The following MRPL48 variants were observed in gnomAD, a reference collection of about 807,000 sequenced individuals.
MRPL48 encodes the protein large ribosomal subunit protein mL48.
Under a neutral mutation model 32.9 loss-of-function variants are expected in MRPL48, and 16 were observed. The ratio of observed to expected loss-of-function variants is 0.49; its 90% CI spans 0.33 to 0.74. The LOEUF (loss-of-function observed/expected upper bound fraction) is 0.74. MRPL48 is among the 30% of genes least tolerant of loss of function. The probability of loss-of-function intolerance (pLI) is 0.02; values close to 1 mark genes in which losing one functional copy is unlikely to be tolerated. For missense variants in MRPL48, 206 were observed against 245.3 expected (o/e 0.84, Z 1.07); for synonymous variants, 94 against 89.2 (o/e 1.05, Z -0.31).
chr11:73,863,582 G>A (rs767518238), intron 7 of MRPL48, among the ~76,000 whole-genome samples: 5 of 152,178 alleles, frequency 3.3e-5, no homozygotes, highest in Non-Finnish European at 7.3e-5. Context: ...ATAGTATATG[G>A]TGTAATAAAT....
At chr11:73,818,980 T>A (rs1192895048) in intron 3 of MRPL48, among the ~76,000 whole-genome samples, 1 of 152,218 alleles carries the variant, frequency 6.6e-6, no homozygotes, top group Non-Finnish European at 1.5e-5. Context: ...AGTAAGGAGT[T>A]GCCTTTTCTC....
intron 3 of MRPL48, among the ~76,000 whole-genome samples, chr11:73,824,584 CA>C (rs962587652): frequency 5.3e-4 from 73 of 137,692 alleles, no homozygotes; most frequent in African/African-American, 1.1e-3. Context: ...GACTCTATCT[CA>C]AAAAAAAAAA....
chr11:73,826,842 T>C (rs1947904093), intron 4 of MRPL48, among the ~76,000 whole-genome samples: 1 of 149,818 alleles, frequency 6.7e-6, no homozygotes, highest in African/African-American at 2.5e-5. Flanking sequence ...AATGGTGCGA[T>C]CTCGGCTCAC....
At chr11:73,825,180 A>G (rs898331398) in intron 3 of MRPL48, among the ~76,000 whole-genome samples, 1 of 151,804 alleles carries the variant, frequency 6.6e-6, no homozygotes, top group Non-Finnish European at 1.5e-5. Flanking sequence ...TTAACTTTTT[A>G]TATACTAAGT....
intron 4 of MRPL48, among the ~76,000 whole-genome samples, chr11:73,836,561 A>G (rs946277509): frequency 6.6e-6 from 1 of 152,126 alleles, no homozygotes; most frequent in Non-Finnish European, 1.5e-5. Flanking sequence ...CTTTAAAGAC[A>G]TTATTTCATT....
rs1190361223 is a variant in MRPL48, at chr11:73,859,900, C to T, written c.372-7C>T. 3 of 1,612,978 alleles carry T rather than the reference C, an allele frequency of 1.9e-6. No individual in the cohort carries two copies. Among genetic ancestry groups the T allele is most frequent in the East Asian group, 4.5e-5 (2 of 44,850 alleles). The stretch of plus-strand genomic sequence containing the variant: ...CACTCACTATAGCTGACTCTTCCTT[C>T]CCACAGTTATGCAATGCCAACCAAA... On this transcript the variant is annotated splice_polypyrimidine_tract_variant and splice_region_variant and intron_variant, in intron 5 of 7. Transcript: ENST00000310614.
At chr11:73,854,601 A>G (rs766395403) in intron 5 of MRPL48, among the ~76,000 whole-genome samples, 4 of 152,162 alleles carry the variant, frequency 2.6e-5, no homozygotes, top group Non-Finnish European at 4.4e-5. Context: ...TGCAATGTTT[A>G]TAGGGTAGTT....
At chr11:73,848,186 T>C (rs36034275) in intron 5 of MRPL48, among the ~76,000 whole-genome samples, 8,572 of 152,182 alleles carry the variant, frequency 0.056, 265 homozygotes, top group Middle Eastern at 0.099. Flanking sequence ...TTTTTTTTTT[T>C]GGCATATGAA....
In MRPL48 at chr11:73,822,284, C is replaced by T. The variant is rs900332497; in HGVS notation, c.113-3424C>T. Among the ~76,000 whole-genome samples, 3 of 152,118 alleles carry T rather than the reference C, an allele frequency of 2.0e-5. No individual in the cohort carries two copies. In the East Asian group the frequency reaches 5.8e-4, roughly 29 times the overall value. ...CTCATCTGAACCTATTCCCCTGCAC[C>T]CTGCACCCCCACCCCAAAGGCAGAG... On this transcript the variant is annotated intron_variant, in intron 3 of 7. Coordinates refer to ENST00000310614, the MANE Select transcript of MRPL48 (RefSeq NM_016055.6).
intron 1 of MRPL48, among the ~76,000 whole-genome samples, chr11:73,791,778 C>T (rs1947159439): frequency 6.6e-6 from 1 of 152,034 alleles, no homozygotes; most frequent in Non-Finnish European, 1.5e-5. Context: ...AAAGTAGGTA[C>T]CTGGTAAATG....
intron 4 of MRPL48, among the ~76,000 whole-genome samples, chr11:73,829,031 A>G (rs1469797309): frequency 6.6e-6 from 1 of 152,160 alleles, no homozygotes; most frequent in Admixed American, 6.6e-5. Context: ...AATTTTCTGC[A>G]TATGTCATGC....
In MRPL48 at chr11:73,845,007, T is replaced by C. The variant is rs758954141; in HGVS notation, c.371+31T>C. ...AAGGATGCTTTTGTATGGGATGTTC[T>C]TGGTGTGGGTAGAATGCTCTGTTTT... On this transcript the variant is annotated intron_variant, in intron 5 of 7. Transcript: ENST00000310614. The C allele has an allele frequency of 1.7e-5, 27 of 1,588,128 alleles. No homozygotes were observed. In the Admixed American group the frequency reaches 4.5e-4, roughly 27 times the overall value.
intron 1 of MRPL48, among the ~76,000 whole-genome samples, chr11:73,803,517 C>T (rs1947394101): frequency 1.3e-5 from 2 of 151,844 alleles, no homozygotes. Flanking sequence ...CTTACTTTTT[C>T]TCTAGTGTCC....
At chr11:73,804,287 T>G (rs558565436) in intron 1 of MRPL48, among the ~76,000 whole-genome samples, 4 of 151,348 alleles carry the variant, frequency 2.6e-5, no homozygotes, top group Admixed American at 2.6e-4. Context: ...CAGTCCTCTT[T>G]TTTTTTTGAG....
intron 1 of MRPL48, among the ~76,000 whole-genome samples, chr11:73,791,539 C>T (rs1474077145): frequency 6.6e-6 from 1 of 152,060 alleles, no homozygotes; most frequent in Non-Finnish European, 1.5e-5. Context: ...GCCTTAGCCT[C>T]CTGAGTAGCT....
chr11:73,825,682 G>C (rs376035025), intron 3 of MRPL48, 26 bp from the exon 4 acceptor site: 4 of 1,536,036 alleles, frequency 2.6e-6, no homozygotes, highest in Non-Finnish European at 3.5e-6. Context: ...CAAAAAAACA[G>C]GTTTGTCTTA....
At chr11:73,844,728 T>G in intron 4 of MRPL48, 79 bp from the exon 5 acceptor site, 1 of 1,446,528 alleles carries the variant, frequency 6.9e-7, no homozygotes, top group Non-Finnish European at 9.2e-7. Context: ...AAAGATTGAC[T>G]TTTTAAAATA....
chr11:73,808,198 A>G, intron 2 of MRPL48, 115 bp from the exon 3 acceptor site: 1 of 1,027,562 alleles, frequency 9.7e-7, no homozygotes. Context: ...AAAGGAAAGA[A>G]GGAGTAAGGA....
chr11:73,790,260 G>A (rs1397970577), intron 1 of MRPL48, among the ~76,000 whole-genome samples: 3 of 150,386 alleles, frequency 2.0e-5, no homozygotes, highest in African/African-American at 7.3e-5. Flanking sequence ...TAATAGAGAC[G>A]GGGTTTCACC....
Sources: allele counts gnomAD v4.1 joint callset (sites outside exome capture counted in the v4.1 genomes callset), GRCh38; gene constraint gnomAD v4.1.1; transcripts MANE v1.5; gene names NCBI Gene and HGNC (gene_info 2026-07-23, HGNC 2026-07-21).